Variants in NHSL1 observed in about 807,000 individuals in gnomAD.
NHSL1 encodes NHS-like protein 1.
In NHSL1, 48 loss-of-function variants were observed where a neutral mutation model predicts 95.0. That is an observed-to-expected ratio of 0.51 (90% CI 0.40 to 0.64). The LOEUF is 0.64. NHSL1 is among the 30% of genes least tolerant of loss of function. The pLI is 0.00. For synonymous variants in NHSL1, 783 were observed against 833.9 expected (o/e 0.94, Z 1.05); for missense variants, 1,971 against 2,077.7 (o/e 0.95, Z 1.00).
rs1229966709 is a variant in NHSL1 at position 138,424,519 on chromosome 6, G to C, written c.4383C>G (p.Pro1461=). The C allele has an allele frequency of 6.4e-7, 1 of 1,551,596 alleles. No homozygotes were observed. Among genetic ancestry groups the C allele is most frequent in the Non-Finnish European group, 8.7e-7 (1 of 1,146,972 alleles). ...TTGGGGAGCAGCTTGACGGGCTCTC[G>C]GGGGCATCTGGGGAAGGCTCTGACC... is the stretch of plus-strand genomic sequence containing the variant. The part of the protein sequence containing the change: ...RSRSEPSPDA[P]ESPSSCSPSK... Residue 1461 remains proline (P), a synonymous_variant, in exon 8 of 8, where the codon CCC becomes CCG. Transcript: ENST00000343505. This position sits in a 1 kb window ranked among gnomAD's most constrained non-coding sequence, Gnocchi z 5.9.
intron 4 of NHSL1, among the ~76,000 whole-genome samples, chr6:138,443,458 G>C (rs1328142085): frequency 6.6e-6 from 1 of 152,204 alleles, no homozygotes; most frequent in Non-Finnish European, 1.5e-5. Flanking sequence ...CAACTGCAGT[G>C]CTTCATTAGT....
chr6:138,461,551 A>C (rs1348579585), intron 3 of NHSL1, among the ~76,000 whole-genome samples: 1 of 152,232 alleles, frequency 6.6e-6, no homozygotes, highest in Non-Finnish European at 1.5e-5. Flanking sequence ...GAGGTTGAGT[A>C]AGATGAGGCC....
Position 138,433,131 on chromosome 6 carries a change from T to C in NHSL1, c.1214A>G (p.His405Arg), listed in dbSNP as rs925471117. 6.4e-7 allele frequency: 1 copy of C among 1,551,086 alleles called. No individual in the cohort carries two copies. The highest frequency in any genetic ancestry group is 1.2e-5 in the South Asian group (1 of 84,056). ...IMSPACVVSP[H>R]ATYSTSIIPN... is the part of the protein sequence containing the mutation. ...GATGATGCTGGTGGAGTAGGTTGCA[T>C]GAGGAGAAACCACACACGCTGGGCT... The change falls in exon 6 of 8, where the codon CAT becomes CGT. Residue 405 changes from histidine to arginine, a missense_variant. His to Arg is a conservative substitution (Grantham distance 29, BLOSUM62 0). This residue lies in a region of NHSL1 where 1,602 missense variants were observed against 1,654.5 expected (regional missense o/e 0.97). Coordinates refer to ENST00000343505, the MANE Select transcript of NHSL1 (RefSeq NM_001144060.2).
intron 2 of NHSL1, among the ~76,000 whole-genome samples, chr6:138,477,580 G>A (rs965244356): frequency 1.3e-5 from 2 of 152,170 alleles, no homozygotes; most frequent in Admixed American, 6.5e-5. Context: ...TCCAGCCTGG[G>A]AGACAGAGCA....
chr6:138,452,861 G>C (rs1777331142), intron 3 of NHSL1, among the ~76,000 whole-genome samples: 1 of 151,982 alleles, frequency 6.6e-6, no homozygotes, highest in Admixed American at 6.6e-5. Flanking sequence ...AGAAAAAGTG[G>C]GGGTAGTGGA....
intron 1 of NHSL1, among the ~76,000 whole-genome samples, chr6:138,530,980 T>G (rs936418745): frequency 6.6e-6 from 1 of 152,160 alleles, no homozygotes; most frequent in African/African-American, 2.4e-5. Flanking sequence ...AAAATATTTT[T>G]TTTTTAAAAA....
intron 1 of NHSL1, among the ~76,000 whole-genome samples, chr6:138,540,575 T>A (rs1054173520): frequency 6.6e-6 from 1 of 152,136 alleles, no homozygotes; most frequent in African/African-American, 2.4e-5. Context: ...ATACACAACA[T>A]ACAAAAGACA....
chr6:138,536,006 C>T lies in NHSL1; in HGVS notation c.16+9617G>A, dbSNP rs113581554. Among the ~76,000 whole-genome samples the T allele has an allele frequency of 9.2e-3, 1,407 of 152,196 alleles. 20 individuals are homozygous for T. The highest frequency in any genetic ancestry group is 0.033 in the African/African-American group (1,358 of 41,522). Reference sequence around the variant, plus strand: ...TCAAGCAAGAGACAAAGGAGGGTGGCTACTCACACACAGAGGTTGAAGGTA... The same window carrying T: ...TCAAGCAAGAGACAAAGGAGGGTGGTTACTCACACACAGAGGTTGAAGGTA... On this transcript the variant is annotated intron_variant, in intron 1 of 4. Transcript: ENST00000342260.
At position 138,613,610 on chromosome 6, in the gene NHSL1, C is replaced by T. The variant is rs369378196; in HGVS notation, c.96+78866G>A. 5.3e-5 allele frequency among the ~76,000 whole-genome samples: 8 copies of T among 152,176 alleles called. No homozygotes were observed. In the East Asian group the frequency reaches 1.2e-3, roughly 22 times the overall value. On this transcript the variant is annotated intron_variant, in intron 1 of 3. Coordinates refer to the NHSL1 transcript ENST00000491526. ...CCATGGCCATGCCACCTGTCCAGTC[C>T]CACGTCTTGCGGATAAACGGACTGC...
rs530168877 is a variant in NHSL1 at position 138,491,692 on chromosome 6, T to C, written c.211+4527A>G. ...AATTTATTTTTTGTTGCTAGCCAGA[T>C]GTCTATTGAAGCAAATATTAAAATG... On this transcript the variant is annotated intron_variant, in intron 2 of 7. Coordinates refer to ENST00000343505, the MANE Select transcript of NHSL1 (RefSeq NM_001144060.2). Among the ~76,000 whole-genome samples, 3 of 152,342 alleles carry C rather than the reference T, an allele frequency of 2.0e-5. No individual in the cohort carries two copies. The East Asian group carries it at 5.8e-4, about 29-fold the overall frequency.
intron 1 of NHSL1, among the ~76,000 whole-genome samples, chr6:138,583,862 G>A (rs1028661401): frequency 6.6e-6 from 1 of 152,138 alleles, no homozygotes; most frequent in African/African-American, 2.4e-5. Flanking sequence ...TATGAGGGAG[G>A]CCAAGGTGGG....
At position 138,663,428 on chromosome 6, in the gene NHSL1, G is replaced by A. The variant is rs148658157; in HGVS notation, c.96+29048C>T. 9.2e-5 allele frequency among the ~76,000 whole-genome samples: 14 copies of A among 151,860 alleles called. No homozygotes were observed. In the East Asian group the frequency reaches 2.7e-3, roughly 29 times the overall value. ...ACACAAATTAGCCAGGCATGGTGGT[G>A]CATGCCTGTAATCTCAGCTACGCGG... is the stretch of plus-strand genomic sequence containing the variant. On this transcript the variant is annotated intron_variant, in intron 1 of 3. Coordinates refer to the NHSL1 transcript ENST00000491526.
intron 1 of NHSL1, among the ~76,000 whole-genome samples, chr6:138,545,405 A>G (rs1361372343): frequency 6.6e-6 from 1 of 152,210 alleles, no homozygotes; most frequent in African/African-American, 2.4e-5. Flanking sequence ...ACACAGAAAT[A>G]TCCTTTCTGT....
At chr6:138,520,231 ACACAGT>A (rs1465097147) in intron 1 of NHSL1, among the ~76,000 whole-genome samples, 10 of 151,062 alleles carry the variant, frequency 6.6e-5, no homozygotes, top group Non-Finnish European at 1.3e-4. Flanking sequence ...TCAAAATTGG[ACACAGT>A]TCTCCCAACA....
intron 7 of NHSL1, among the ~76,000 whole-genome samples, chr6:138,426,098 GACA>G (rs1396293704): frequency 1.3e-5 from 2 of 152,192 alleles, no homozygotes; most frequent in South Asian, 2.1e-4. Context: ...GTCTCTTCAT[GACA>G]ACAACTCAGT....
chr6:138,669,727 A>T (rs190764939), intron 1 of NHSL1, among the ~76,000 whole-genome samples: 1 of 152,340 alleles, frequency 6.6e-6, no homozygotes, highest in African/African-American at 2.4e-5. Context: ...GCTTCTTTCC[A>T]CACAGCTCCT....
rs1784879507 is a variant in NHSL1, at chr6:138,635,782, C to A, written c.96+56694G>T. ...ACAATATCTCTGAAGAATATTGATG[C>A]AAAAATGCTAAATAAAATACTAGCA... On this transcript the variant is annotated intron_variant, in intron 1 of 3. Transcript: ENST00000491526. 2.0e-5 allele frequency among the ~76,000 whole-genome samples: 3 copies of A among 151,820 alleles called. No homozygotes were observed. The South Asian group carries it at 6.3e-4, about 32-fold the overall frequency.
intron 1 of NHSL1, among the ~76,000 whole-genome samples, chr6:138,526,093 C>CA (rs10681744): frequency 0.33 from 35,896 of 109,598 alleles, 5,374 homozygotes; most frequent in Middle Eastern, 0.54. Flanking sequence ...ACTCTGTCTC[C>CA]AAAAAAAAAA....
chr6:138,673,686 T>A (rs1785411052), intron 1 of NHSL1, among the ~76,000 whole-genome samples: 1 of 152,230 alleles, frequency 6.6e-6, no homozygotes, highest in Non-Finnish European at 1.5e-5. Context: ...TTCTGGAACA[T>A]AAATTGTTAA....
Sources: allele counts gnomAD v4.1 joint callset (sites outside exome capture counted in the v4.1 genomes callset), GRCh38; gene constraint gnomAD v4.1.1; regional missense constraint gnomAD v4.1.1; non-coding constraint Gnocchi (gnomAD v3.1); transcripts MANE v1.5; gene names NCBI Gene and HGNC (gene_info 2026-07-23, HGNC 2026-07-21).